Variants in SBNO2 observed in about 807,000 individuals in gnomAD.
SBNO2 encodes strawberry notch homolog 2, also known as protein strawberry notch homolog 2.
SBNO2 carries 89 observed loss-of-function variants against 146.3 expected under a neutral mutation model. That is an observed-to-expected ratio of 0.61 (90% CI 0.51 to 0.73). SBNO2 has a LOEUF of 0.73. SBNO2 is among the 30% of genes least tolerant of loss of function. The pLI, the probability that SBNO2 is intolerant of heterozygous loss-of-function variation, is 0.00. For synonymous variants in SBNO2, 1,147 were observed against 892.6 expected (o/e 1.29, Z -5.08); for missense variants, 2,092 against 2,003.7 (o/e 1.04, Z -0.84).
intron 4 of SBNO2, 139 bp downstream of exon 4, chr19:1,147,169 GT>G: frequency 1.7e-6 from 1 of 603,184 alleles, no homozygotes; most frequent in Non-Finnish European, 2.9e-6. Flanking sequence ...CTGCCCCACC[GT>G]AAACCCTGCG....
chr19:1,113,638 T>C lies in SBNO2; in HGVS notation c.2144A>G (p.Lys715Arg), dbSNP rs754431691. ...PGVLERVERL[K>R]QDLLDKVRRL... ...CCGCACTTTGTCCAGCAGATCCTGC[T>C]TCAGCCGCTCCACCCGCTCCAGGAC... The change falls in exon 19 of 32, where the codon AAG becomes AGG. Residue 715 changes from lysine to arginine, a missense_variant. By Grantham distance (26) the Lys-to-Arg change is conservative (BLOSUM62 2). Coordinates refer to ENST00000361757, the MANE Select transcript of SBNO2 (RefSeq NM_014963.3). 1 of 1,599,630 alleles carries C rather than the reference T, an allele frequency of 6.3e-7. No individual in the cohort carries two copies. The highest frequency in any genetic ancestry group is 8.5e-7 in the Non-Finnish European group (1 of 1,174,386).
In SBNO2 at chr19:1,147,321, G is replaced by A. The variant is rs367792053; in HGVS notation, c.267C>T (p.Cys89=). ...CTGGGGCTCCTACCTGAGCAAAGTC[G>A]CAGGTCTTTGGTGGCAAGCTGGAGG... ...ATASSLPPKT[C]DFAQDSSYFE... is the part of the protein sequence containing the mutation. Residue 89 remains cysteine (C), a synonymous_variant, in exon 4 of 32, where the codon TGC becomes TGT. Coordinates refer to ENST00000361757, the MANE Select transcript of SBNO2 (RefSeq NM_014963.3). 6.7e-5 allele frequency: 106 copies of A among 1,577,282 alleles called. 1 individual carries two copies. The highest frequency in any genetic ancestry group is 4.2e-4 in the Middle Eastern group (2 of 4,716).
rs932743592 is a variant in SBNO2 at position 1,120,884 on chromosome 19, G to C, written c.1150-861C>G. Among the ~76,000 whole-genome samples, 5 of 150,828 alleles carry C rather than the reference G, an allele frequency of 3.3e-5. No homozygotes were observed. The South Asian group carries it at 1.0e-3, about 32-fold the overall frequency. On this transcript the variant is annotated intron_variant, in intron 11 of 31. Coordinates refer to ENST00000361757, the MANE Select transcript of SBNO2 (RefSeq NM_014963.3). ...GGGTTTCACCATATTGGTCAAGACA[G>C]TCTGGAACTCTTTTTTTTTTTAGAT...
chr19:1,129,447 C>T (rs1182014978), intron 4 of SBNO2, among the ~76,000 whole-genome samples: 7 of 152,074 alleles, frequency 4.6e-5, no homozygotes, highest in African/African-American at 1.4e-4. Context: ...CAGAGACCCC[C>T]GGGACAGAGG....
At chr19:1,120,516 GCCA>G (rs2079888948) in intron 11 of SBNO2, among the ~76,000 whole-genome samples, 1 of 152,070 alleles carries the variant, frequency 6.6e-6, no homozygotes, top group Non-Finnish European at 1.5e-5. Context: ...ACAGGTGTGT[GCCA>G]CCACCACAAC....
In SBNO2 at chr19:1,123,935, A is replaced by G. The variant is rs749338786; in HGVS notation, c.522+7T>C. 7.5e-6 allele frequency: 12 copies of G among 1,610,384 alleles called. 1 individual carries two copies. In the South Asian group the frequency reaches 1.1e-4, roughly 15 times the overall value. ...GGGGAGGGAGCTCTCGGCTGGGCCCAGCTCACCTGGTAGCTGACGAGAAGC... is the reference window on the plus strand; with the variant it reads ...GGGGAGGGAGCTCTCGGCTGGGCCCGGCTCACCTGGTAGCTGACGAGAAGC... On this transcript the variant is annotated splice_region_variant and intron_variant, in intron 6 of 31. Coordinates refer to ENST00000361757, the MANE Select transcript of SBNO2 (RefSeq NM_014963.3).
In SBNO2 at chr19:1,108,982, C is replaced by T. The variant is rs1294350738; in HGVS notation, c.3426-13G>A. ...GCAGTGCCGGTTCCTGCGGACGAGA[C>T]GGGTCGTCTCGGCTCAGGCGGGTCC... On this transcript the variant is annotated splice_polypyrimidine_tract_variant and intron_variant, in intron 30 of 31. Coordinates refer to ENST00000361757, the MANE Select transcript of SBNO2 (RefSeq NM_014963.3). 6.6e-7 allele frequency: 1 copy of T among 1,504,890 alleles called. No individual in the cohort carries two copies. The highest frequency in any genetic ancestry group is 8.8e-7 in the Non-Finnish European group (1 of 1,130,864). 93.2% of individuals were successfully genotyped at this position (1,504,890 alleles called of 1,614,324 possible).
At chr19:1,145,104 G>A (rs2080176933) in intron 4 of SBNO2, among the ~76,000 whole-genome samples, 1 of 151,522 alleles carries the variant, frequency 6.6e-6, no homozygotes, top group Admixed American at 6.6e-5. Context: ...GGCAGAGAGA[G>A]ATTGAGAGGG....
Position 1,122,565 on chromosome 19 carries a change from G to T in SBNO2, c.915-7C>A. 1 of 1,532,946 alleles carries T rather than the reference G, an allele frequency of 6.5e-7. No individual in the cohort carries two copies. The allele number at this position is 1,532,946 out of a possible 1,614,324, so 95.0% of individuals were successfully genotyped here. ...GTCGTTGGAGACGCTGAACCTGCGG[G>T]GTGGGGGCGTCAGGCGCGCCCACCC... On this transcript the variant is annotated splice_region_variant and splice_polypyrimidine_tract_variant and intron_variant, in intron 9 of 31. Coordinates refer to ENST00000361757, the MANE Select transcript of SBNO2 (RefSeq NM_014963.3).
In SBNO2 at chr19:1,143,892, C is replaced by T. The variant is rs577286091; in HGVS notation, c.279+3417G>A. Among the ~76,000 whole-genome samples, 5 of 152,350 alleles carry T rather than the reference C, an allele frequency of 3.3e-5. No individual in the cohort carries two copies. In the South Asian group the frequency reaches 6.2e-4, roughly 19 times the overall value. ...ATCACTCAGTCCCATCTGCAGGTCC[C>T]GTCTGCCATGAGAGGCGACACGGCG... is the stretch of plus-strand genomic sequence containing the variant. On this transcript the variant is annotated intron_variant, in intron 4 of 31. Transcript: ENST00000361757.
At position 1,110,675 on chromosome 19, in the gene SBNO2, A is replaced by C; in HGVS notation, c.3028+70T>G. 3.7e-6 allele frequency: 5 copies of C among 1,333,770 alleles called. No homozygotes were observed. The highest frequency in any genetic ancestry group is 3.1e-6 in the Non-Finnish European group (3 of 976,642). The allele number at this position is 1,333,770 out of a possible 1,614,324, so 82.6% of individuals were successfully genotyped here. On this transcript the variant is annotated intron_variant, in intron 26 of 31. Coordinates refer to ENST00000361757, the MANE Select transcript of SBNO2 (RefSeq NM_014963.3). The surrounding 1 kb of genome is among the most constrained non-coding windows in gnomAD (Gnocchi z 4.9). ...GTTCCCACGAGCCCCGAGCCCACCC[A>C]GGATGCATGGCGTTCCCACGAGCCC...
Position 1,122,139 on chromosome 19 carries a change from G to T in SBNO2, c.1149C>A (p.Val383=), listed in dbSNP as rs751819625. Reference sequence around the variant, plus strand: ...CTCCCGATTGCCCCCAGCAGGATACGACGCCCTCGAAGGCCTCCCCACACC... The same window carrying T: ...CTCCCGATTGCCCCCAGCAGGATACTACGCCCTCGAAGGCCTCCCCACACC... ...LDWCGEAFEG[V]IVFDECHKAK... The change falls in exon 11 of 32, where the codon GTC becomes GTA. Residue 383 remains valine (V), a splice_region_variant and synonymous_variant. Transcript: ENST00000361757. 43 of 1,395,804 alleles carry T rather than the reference G, an allele frequency of 3.1e-5. No individual in the cohort carries two copies. Among genetic ancestry groups the T allele is most frequent in the Non-Finnish European group, 4.0e-5 (43 of 1,066,534 alleles). 86.5% of individuals were successfully genotyped at this position (1,395,804 alleles called of 1,614,324 possible). A position where few individuals can be genotyped will look rare whatever the true frequency, so the allele number is the denominator to read the frequency against.
rs560569632 is a variant in SBNO2, at chr19:1,109,846, C to T, written c.3029-69G>A. ...TGTGGGCTGGGGCCAGGGTCAGTCC[C>T]GTAGCCGGGGCGCACCCTAGAGACG... On this transcript the variant is annotated intron_variant, in intron 26 of 31. Transcript: ENST00000361757. The surrounding 1 kb of genome is among the most constrained non-coding windows in gnomAD (Gnocchi z 4.2). The T allele has an allele frequency of 5.6e-5, 70 of 1,245,940 alleles. 1 individual carries two copies. In the Admixed American group the frequency reaches 1.2e-3, roughly 21 times the overall value. 77.2% of individuals were successfully genotyped at this position (1,245,940 alleles called of 1,614,324 possible).
intron 11 of SBNO2, 70 bp downstream of exon 11, chr19:1,122,069 T>G: frequency 1.2e-5 from 4 of 330,978 alleles, no homozygotes; most frequent in Non-Finnish European, 1.6e-5. Flanking sequence ...CCTCTCCCAC[T>G]CCTCCATCCT....
rs942127211 is a variant in SBNO2, at chr19:1,122,544, T to C, written c.929A>G (p.Asn310Ser). The change falls in exon 10 of 32, where the codon AAC (asparagine) becomes AGC (serine). Residue 310 changes from asparagine (N) to serine (S), a missense_variant. Asn to Ser is a conservative substitution (Grantham distance 46). Transcript: ENST00000361757. ...RKKALWFSVS[N>S]DLKYDAERDL... ...GCGCTCCGCATCGTACTTGAGGTCG[T>C]TGGAGACGCTGAACCTGCGGGGTGG... 37 of 1,548,792 alleles carry C rather than the reference T, an allele frequency of 2.4e-5. 1 individual carries two copies. The highest frequency in any genetic ancestry group is 3.5e-5 in the South Asian group (3 of 84,534).
chr19:1,118,907 G>T (rs984876305), intron 14 of SBNO2, 104 bp downstream of exon 14: 2 of 1,223,090 alleles, frequency 1.6e-6, no homozygotes, highest in Non-Finnish European at 2.3e-6. Flanking sequence ...GACAGGACAG[G>T]GCGGGCCGTC....
rs979398393 is a variant in SBNO2, at chr19:1,126,592, C to T, written c.441+1012G>A. 1.4e-4 allele frequency among the ~76,000 whole-genome samples: 22 copies of T among 152,212 alleles called. No homozygotes were observed. The highest frequency in any genetic ancestry group is 4.3e-4 in the African/African-American group (18 of 41,532). ...CACCGTGAGCCACCCACCGTGGCTGCGGGGTGCCCTGATGCTTCCTGCCTG... is the reference window on the plus strand; with the variant it reads ...CACCGTGAGCCACCCACCGTGGCTGTGGGGTGCCCTGATGCTTCCTGCCTG... On this transcript the variant is annotated intron_variant, in intron 5 of 31. Coordinates refer to ENST00000361757, the MANE Select transcript of SBNO2 (RefSeq NM_014963.3). This position sits in a 1 kb window ranked among gnomAD's most constrained non-coding sequence, Gnocchi z 4.4.
intron 4 of SBNO2, among the ~76,000 whole-genome samples, chr19:1,145,024 G>C (rs1213585351): frequency 6.6e-6 from 1 of 151,276 alleles, no homozygotes; most frequent in Non-Finnish European, 1.5e-5. Flanking sequence ...CAGAGACAGA[G>C]GCAGAGAGAG....
chr19:1,116,183 C>T (rs2079830051), intron 16 of SBNO2, 80 bp from the exon 17 acceptor site: 2 of 1,325,970 alleles, frequency 1.5e-6, no homozygotes, highest in African/African-American at 1.5e-5. Flanking sequence ...TGGACGCACC[C>T]CTGGGTCCCT....
Sources: allele counts gnomAD v4.1 joint callset (sites outside exome capture counted in the v4.1 genomes callset), GRCh38; gene constraint gnomAD v4.1.1; non-coding constraint Gnocchi (gnomAD v3.1); transcripts MANE v1.5; gene names NCBI Gene and HGNC (gene_info 2026-07-23, HGNC 2026-07-21).